Variants in GAD2 observed in about 807,000 individuals in gnomAD.
GAD2 encodes the protein glutamate decarboxylase 2.
Under a neutral mutation model 80.1 loss-of-function variants are expected in GAD2, and 22 were observed. That is an observed-to-expected ratio of 0.27 (90% CI 0.20 to 0.39). The LOEUF is 0.39. Ranked by LOEUF, GAD2 falls within the 10% of genes least tolerant of loss-of-function variation. The pLI is 1.00. For synonymous variants in GAD2, 274 were observed against 256.9 expected (o/e 1.07, Z -0.64); for missense variants, 624 against 738.4 (o/e 0.85, Z 1.80).
intron 8 of GAD2, among the ~76,000 whole-genome samples, chr10:26,247,476 C>G (rs1459286732): frequency 2.0e-5 from 3 of 152,108 alleles, no homozygotes; most frequent in African/African-American, 7.2e-5. Context: ...CTCATATTCA[C>G]ATGCCTCTGA....
chr10:26,232,469 CTT>C (rs60636223), intron 7 of GAD2, among the ~76,000 whole-genome samples: 3,420 of 101,154 alleles, frequency 0.034, 86 homozygotes, highest in African/African-American at 0.12. Context: ...ACTCAGTCTA[CTT>C]TTTTTTTTTT....
intron 13 of GAD2, among the ~76,000 whole-genome samples, chr10:26,291,015 C>G (rs944194531): frequency 1.3e-5 from 2 of 152,304 alleles, no homozygotes; most frequent in East Asian, 3.9e-4. Flanking sequence ...CTTTAGTAAT[C>G]CCATTGCTGT....
Position 26,223,981 on chromosome 10 carries a change from A to G in GAD2, c.611+4A>G. On this transcript the variant is annotated splice_donor_region_variant and intron_variant, in intron 5 of 15. Coordinates refer to ENST00000376261, the MANE Select transcript of GAD2 (RefSeq NM_001134366.2). ...CATCAACAGCAAATACTAACATGTA[A>G]GTAGCCAAATGTGTTTTTATGTAAT... 6.3e-7 allele frequency: 1 copy of G among 1,592,914 alleles called. No homozygotes were observed. The highest frequency in any genetic ancestry group is 8.6e-7 in the Non-Finnish European group (1 of 1,161,722).
intron 8 of GAD2, among the ~76,000 whole-genome samples, chr10:26,249,894 G>A (rs2132290980): frequency 2.0e-5 from 3 of 152,294 alleles, no homozygotes; most frequent in Middle Eastern, 6.8e-3. Context: ...GACAGAGGCA[G>A]GAGGGGTTTG....
Position 26,284,378 on chromosome 10 carries a change from C to T in GAD2, c.1237-1967C>T, listed in dbSNP as rs567666810. Among the ~76,000 whole-genome samples, 45 of 152,148 alleles carry T rather than the reference C, an allele frequency of 3.0e-4. No individual in the cohort carries two copies. In the South Asian group the frequency reaches 6.7e-3, roughly 22 times the overall value. Reference sequence around the variant, plus strand: ...CGAGTTTCCTAAATTTATTTGAGCACGGGAATCTCTTTATGTACAGCAACT... The same window carrying T: ...CGAGTTTCCTAAATTTATTTGAGCATGGGAATCTCTTTATGTACAGCAACT... On this transcript the variant is annotated intron_variant, in intron 12 of 15. Coordinates refer to ENST00000376261, the MANE Select transcript of GAD2 (RefSeq NM_001134366.2).
intron 6 of GAD2, among the ~76,000 whole-genome samples, chr10:26,228,464 G>A (rs1844556859): frequency 6.6e-6 from 1 of 152,220 alleles, no homozygotes. Flanking sequence ...GGAAGAACTA[G>A]TTTAGAGGGA....
At chr10:26,251,163 G>T (rs957614194) in intron 8 of GAD2, among the ~76,000 whole-genome samples, 1 of 150,990 alleles carries the variant, frequency 6.6e-6, no homozygotes, top group Non-Finnish European at 1.5e-5. Context: ...CTCCCAAAGT[G>T]CTAGGATTAT....
upstream of GAD2, chr10:26,216,499 T>C: frequency 4.2e-6 from 1 of 237,598 alleles, no homozygotes; most frequent in Non-Finnish European, 7.9e-6. The surrounding 1 kb of genome is among the most constrained non-coding windows in gnomAD (Gnocchi z 4.7). Flanking sequence ...CCTCAAATGC[T>C]CTGGGGCTCT....
intron 8 of GAD2, among the ~76,000 whole-genome samples, chr10:26,246,503 T>G (rs1490908176): frequency 1.3e-5 from 2 of 152,202 alleles, no homozygotes; most frequent in Non-Finnish European, 2.9e-5. Context: ...ACTCTGGGAT[T>G]CAGTGCGGTG....
intron 8 of GAD2, among the ~76,000 whole-genome samples, chr10:26,265,995 C>T (rs1845069011): frequency 6.6e-6 from 1 of 152,206 alleles, no homozygotes; most frequent in Admixed American, 6.5e-5. Context: ...TTAGTGTGTT[C>T]CACAGTTATT....
intron 12 of GAD2, among the ~76,000 whole-genome samples, chr10:26,282,195 A>C (rs1322263787): frequency 1.3e-5 from 2 of 152,188 alleles, no homozygotes; most frequent in African/African-American, 2.4e-5. Context: ...CGCCCACCTC[A>C]GCCTTTCAAA....
chr10:26,266,038 G>A (rs1363364742), intron 8 of GAD2, among the ~76,000 whole-genome samples: 3 of 152,236 alleles, frequency 2.0e-5, no homozygotes, highest in Non-Finnish European at 4.4e-5. Flanking sequence ...GTCCCAAGCA[G>A]CTTTTCTTAA....
intron 12 of GAD2, among the ~76,000 whole-genome samples, chr10:26,282,003 T>C (rs1174512235): frequency 6.6e-6 from 1 of 152,158 alleles, no homozygotes; most frequent in African/African-American, 2.4e-5. Context: ...AGTGCAATGG[T>C]GCGATCTTGG....
chr10:26,294,975 C>T (rs948027804), intron 15 of GAD2, among the ~76,000 whole-genome samples: 11 of 152,172 alleles, frequency 7.2e-5, no homozygotes, highest in African/African-American at 2.7e-4. Flanking sequence ...ATTGAACTGA[C>T]TGGCCAGAAA....
At chr10:26,243,305 C>T (rs1037260500) in intron 7 of GAD2, among the ~76,000 whole-genome samples, 1 of 152,130 alleles carries the variant, frequency 6.6e-6, no homozygotes, top group African/African-American at 2.4e-5. Context: ...AGACATACCC[C>T]CTAAAAATAC....
chr10:26,235,646 C>A (rs1250266765), intron 7 of GAD2, among the ~76,000 whole-genome samples: 1 of 152,148 alleles, frequency 6.6e-6, no homozygotes, highest in Non-Finnish European at 1.5e-5. Context: ...TCTTAAAGAT[C>A]CTTTGGTTCA....
chr10:26,292,685 C>A, intron 14 of GAD2, 113 bp downstream of exon 14: 2 of 885,184 alleles, frequency 2.3e-6, no homozygotes, highest in Middle Eastern at 2.6e-4. Context: ...CAGAGGGGAG[C>A]AGTGGATGAC....
chr10:26,296,903 A>G (rs1470022131), intron 15 of GAD2, among the ~76,000 whole-genome samples: 1 of 149,064 alleles, frequency 6.7e-6, no homozygotes, highest in East Asian at 2.0e-4. Context: ...TAATTGGTGA[A>G]ATTTTCGCAT....
At chr10:26,232,106 C>T (rs1844609615) in intron 7 of GAD2, among the ~76,000 whole-genome samples, 1 of 152,304 alleles carries the variant, frequency 6.6e-6, no homozygotes. Context: ...ACTTTCTTTT[C>T]TCAGCTTCTC....
Sources: gnomAD v4.1 joint callset for allele counts (sites outside exome capture counted in the v4.1 genomes callset) on GRCh38, gnomAD v4.1.1 for gene constraint, Gnocchi (gnomAD v3.1) non-coding constraint, MANE v1.5 for transcripts, NCBI Gene and HGNC (gene_info 2026-07-23, HGNC 2026-07-21) for gene names.